FAT3: variants seen among roughly 807,000 people sequenced by gnomAD.
FAT3 encodes FAT atypical cadherin 3.
A neutral mutation model predicts 310.2 loss-of-function variants in FAT3; 95 were observed. The observed-to-expected ratio is 0.31, with a 90% CI of 0.26 to 0.36. The LOEUF (loss-of-function observed/expected upper bound fraction) is 0.36. Among genes scored for constraint, FAT3 ranks in the 10% least tolerant of loss-of-function variants. The pLI, the probability that FAT3 is intolerant of heterozygous loss-of-function variation, is 1.00. For synonymous variants in FAT3, 2,314 were observed against 2,192.9 expected (o/e 1.06, Z -1.54); for missense variants, 5,408 against 5,715.6 (o/e 0.95, Z 1.74).
intron 3 of FAT3, among the ~76,000 whole-genome samples, chr11:92,619,263 A>G (rs1053518553): frequency 6.6e-6 from 1 of 152,156 alleles, no homozygotes; most frequent in African/African-American, 2.4e-5. Flanking sequence ...TAACTTTTGC[A>G]TATATATTCA....
At position 92,792,952 on chromosome 11, in the gene FAT3, A is replaced by G; in HGVS notation, c.4797A>G (p.Ala1599=). Reference sequence around the variant, plus strand: ...TGGACAAAGACAAAGGAGAAAATGCAGAACTCATATATACCATAGAAGCAG... The same window carrying G: ...TGGACAAAGACAAAGGAGAAAATGCGGAACTCATATATACCATAGAAGCAG... ...TALDKDKGEN[A]ELIYTIEAGN... is the part of the protein sequence containing the mutation. Residue 1599 remains alanine (A), a synonymous_variant, in exon 9 of 28, where the codon GCA becomes GCG. Coordinates refer to ENST00000525166, the MANE Select transcript of FAT3 (RefSeq NM_001367949.2). 6.2e-7 allele frequency: 1 copy of G among 1,613,710 alleles called. No individual in the cohort carries two copies. Among genetic ancestry groups the G allele is most frequent in the Non-Finnish European group, 8.5e-7 (1 of 1,179,734 alleles).
intron 3 of FAT3, among the ~76,000 whole-genome samples, chr11:92,560,973 GC>G (rs1248593929): frequency 6.6e-6 from 1 of 152,126 alleles, no homozygotes; most frequent in East Asian, 1.9e-4. Flanking sequence ...GCCAAAAGAA[GC>G]TTTTAGAAAA....
intron 7 of FAT3, among the ~76,000 whole-genome samples, chr11:92,788,835 A>T (rs1367600425): frequency 6.6e-6 from 1 of 152,210 alleles, no homozygotes; most frequent in African/African-American, 2.4e-5. Flanking sequence ...AAAATGGCTC[A>T]GTTTCTTCAA....
At chr11:92,816,622 A>G (rs1044145022) in intron 13 of FAT3, among the ~76,000 whole-genome samples, 1 of 152,250 alleles carries the variant, frequency 6.6e-6, no homozygotes, top group African/African-American at 2.4e-5. Context: ...AGAAGGTGAC[A>G]TCACTCATGA....
intron 2 of FAT3, among the ~76,000 whole-genome samples, chr11:92,495,797 G>A (rs1282726063): frequency 1.4e-4 from 22 of 152,024 alleles, no homozygotes; most frequent in Admixed American, 1.4e-3. Context: ...TGTACACAGT[G>A]TACTGTTTTT....
intron 2 of FAT3, among the ~76,000 whole-genome samples, chr11:92,417,323 A>T (rs374503301): frequency 6.6e-6 from 1 of 152,118 alleles, no homozygotes; most frequent in African/African-American, 2.4e-5. Flanking sequence ...AATTGTACAC[A>T]CTCTCAAATT....
chr11:92,470,791 T>C (rs1485075074), intron 2 of FAT3, among the ~76,000 whole-genome samples: 1 of 152,234 alleles, frequency 6.6e-6, no homozygotes, highest in East Asian at 1.9e-4. Context: ...ATTCTGTCTC[T>C]TAGATGCATT....
chr11:92,336,660 C>A (rs1345120561), intron 1 of FAT3, among the ~76,000 whole-genome samples: 1 of 152,062 alleles, frequency 6.6e-6, no homozygotes, highest in African/African-American at 2.4e-5. Context: ...ATTATGATGG[C>A]CTAGAACAGA....
At chr11:92,864,382 T>G (rs897619308) in intron 21 of FAT3, among the ~76,000 whole-genome samples, 9 of 152,358 alleles carry the variant, frequency 5.9e-5, no homozygotes, top group Admixed American at 1.3e-4. Context: ...CAAAGTCACA[T>G]TTGATGATTT....
rs563388219 is a variant in FAT3 at position 92,460,273 on chromosome 11, A to C, written c.3293-64361A>C. On this transcript the variant is annotated intron_variant, in intron 2 of 27. Transcript: ENST00000525166. ...TTGTCTGGTCCCTGGCAGCTTGTTG[A>C]TGTGTTTTTATTTTCTAGTGAATGA... is the stretch of plus-strand genomic sequence containing the variant. Among the ~76,000 whole-genome samples, 4 of 152,250 alleles carry C rather than the reference A, an allele frequency of 2.6e-5. No individual in the cohort carries two copies. The East Asian group carries it at 7.7e-4, about 29-fold the overall frequency.
chr11:92,402,431 T>C (rs1397878200), intron 2 of FAT3, among the ~76,000 whole-genome samples: 1 of 152,030 alleles, frequency 6.6e-6, no homozygotes, highest in Non-Finnish European at 1.5e-5. Context: ...TAGAGTAATA[T>C]TACTCAAGAA....
chr11:92,871,771 A>G (rs1949400052), intron 22 of FAT3, among the ~76,000 whole-genome samples: 1 of 146,004 alleles, frequency 6.8e-6, no homozygotes, highest in Admixed American at 7.0e-5. Context: ...CTGAATTGGC[A>G]AGAGTGGAAT....
chr11:92,770,802 C>T (rs578127544), intron 6 of FAT3, among the ~76,000 whole-genome samples: 27 of 152,290 alleles, frequency 1.8e-4, no homozygotes, highest in Admixed American at 7.2e-4. Context: ...GACTGAATCA[C>T]GGCCCAGTGC....
At position 92,883,641 on chromosome 11, in the gene FAT3, A is replaced by C. The variant is rs1432328598; in HGVS notation, c.12937+248A>C. On this transcript the variant is annotated intron_variant, in intron 24 of 27. Transcript: ENST00000525166. This position sits in a 1 kb window ranked among gnomAD's most constrained non-coding sequence, Gnocchi z 4.2. ...CAAGGTGAGGCAGCTAGTAAGAGGCAGTCAGTACCCCAACTCAAGTCTTCC... is the reference window on the plus strand; with the variant it reads ...CAAGGTGAGGCAGCTAGTAAGAGGCCGTCAGTACCCCAACTCAAGTCTTCC... 1.3e-5 allele frequency among the ~76,000 whole-genome samples: 2 copies of C among 152,222 alleles called. No individual in the cohort carries two copies. Among genetic ancestry groups the C allele is most frequent in the Admixed American group, 6.5e-5 (1 of 15,284 alleles).
intron 3 of FAT3, among the ~76,000 whole-genome samples, chr11:92,576,312 C>T (rs774820679): frequency 1.9e-4 from 29 of 152,260 alleles, no homozygotes; most frequent in Non-Finnish European, 3.4e-4. Flanking sequence ...TTGGTCTCAA[C>T]CTTAACATGA....
chr11:92,631,339 C>A (rs1416527214), intron 3 of FAT3, among the ~76,000 whole-genome samples: 1 of 152,118 alleles, frequency 6.6e-6, no homozygotes, highest in Non-Finnish European at 1.5e-5. Flanking sequence ...TCTTTTGGAT[C>A]TTTCAGAATG....
At chr11:92,675,706 C>T (rs1306048234) in intron 3 of FAT3, among the ~76,000 whole-genome samples, 3 of 152,122 alleles carry the variant, frequency 2.0e-5, no homozygotes, top group Admixed American at 6.5e-5. Flanking sequence ...ATTTGAGGTG[C>T]GTTTATCTTA....
chr11:92,353,807 T>C lies in FAT3; in HGVS notation c.1695T>C (p.Thr565=), dbSNP rs1462943211. The C allele has an allele frequency of 1.2e-6, 2 of 1,613,482 alleles. No individual in the cohort carries two copies. Among genetic ancestry groups the C allele is most frequent in the Non-Finnish European group, 1.7e-6 (2 of 1,179,612 alleles). ...PYRHESEVNV[T]IRIGNVNDNS... is the part of the protein sequence containing the mutation. ...GCCATGAAAGTGAGGTCAATGTGAC[T>C]ATTCGAATAGGAAATGTCAACGACA... is the stretch of plus-strand genomic sequence containing the variant. Residue 565 remains threonine, a synonymous_variant, in exon 2 of 28, where the codon ACT becomes ACC. Transcript: ENST00000525166.
chr11:92,759,941 A>T (rs1254382232), intron 4 of FAT3, among the ~76,000 whole-genome samples: 2 of 152,026 alleles, frequency 1.3e-5, no homozygotes, highest in African/African-American at 4.8e-5. Context: ...AGTTGTCTGA[A>T]TTTGGACAGG....
Sources: gnomAD v4.1 joint callset for allele counts (sites outside exome capture counted in the v4.1 genomes callset) on GRCh38, gnomAD v4.1.1 for gene constraint, Gnocchi (gnomAD v3.1) non-coding constraint, MANE v1.5 for transcripts, NCBI Gene and HGNC (gene_info 2026-07-23, HGNC 2026-07-21) for gene names.